STK11: variants seen among roughly 807,000 people sequenced by gnomAD.
STK11 encodes the protein serine/threonine kinase 11.
Under a neutral mutation model 47.3 loss-of-function variants are expected in STK11, and 8 were observed. The observed-to-expected ratio is 0.17, with a 90% CI of 0.10 to 0.31. The LOEUF is 0.31. STK11 is among the 10% of genes least tolerant of loss of function. The pLI, the probability that STK11 is intolerant of heterozygous loss-of-function variation, is 1.00. For synonymous variants in STK11, 330 were observed against 255.8 expected, an observed-to-expected ratio of 1.29 and a Z score of -2.77; for missense variants, 475 against 605.0, an observed-to-expected ratio of 0.79 and a Z score of 2.25.
At chr19:1,223,817 C>T (rs2080802789) in intron 8 of STK11, 2 of 1,032,140 alleles carry the variant, frequency 1.9e-6, no homozygotes, top group Non-Finnish European at 2.3e-6. Flanking sequence ...CCGCCATGCT[C>T]CCGGCTTGGC....
Position 1,219,348 on chromosome 19 carries a change from G to T in STK11, c.399G>T (p.Val133=), listed in dbSNP as rs757021648. The change falls in exon 3 of 10, where the codon GTG becomes GTT. Residue 133 remains valine (V), a synonymous_variant. Coordinates refer to ENST00000326873, the MANE Select transcript of STK11 (RefSeq NM_000455.5). ...QKMYMVMEYC[V]CGMQEMLDSV... is the part of the protein sequence containing the mutation. Reference sequence around the variant, plus strand: ...CGTATATGGTGATGGAGTACTGCGTGTGTGGCATGCAGGAAATGCTGGACA... The same window carrying T: ...CGTATATGGTGATGGAGTACTGCGTTTGTGGCATGCAGGAAATGCTGGACA... 5.7e-6 allele frequency: 9 copies of T among 1,591,522 alleles called. No homozygotes were observed. Among genetic ancestry groups the T allele is most frequent in the Non-Finnish European group, 7.7e-6 (9 of 1,169,824 alleles).
chr19:1,227,879 C>T lies in STK11; in HGVS notation c.*303C>T, dbSNP rs992108209. On this transcript the variant is annotated 3_prime_UTR_variant, in exon 10 of 10. Coordinates refer to ENST00000326873, the MANE Select transcript of STK11 (RefSeq NM_000455.5). ...GGCCTCCATGCACTTTATGTGGAGA[C>T]TACTGGCCCCGCCCGTGGCCTCGTG... 3.7e-6 allele frequency: 4 copies of T among 1,069,384 alleles called. No individual in the cohort carries two copies. Among genetic ancestry groups the T allele is most frequent in the African/African-American group, 1.6e-5 (1 of 61,032 alleles). 66.2% of individuals were successfully genotyped at this position (1,069,384 alleles called of 1,614,324 possible). A position where few individuals can be genotyped will look rare whatever the true frequency, so the allele number is the denominator to read the frequency against.
chr19:1,206,817 T>C lies in STK11; in HGVS notation c.-97T>C, dbSNP rs2080668741. The C allele has an allele frequency of 4.3e-6, 6 of 1,411,040 alleles. No homozygotes were observed. The East Asian group carries it at 1.5e-4, about 35-fold the overall frequency. 87.4% of individuals were successfully genotyped at this position (1,411,040 alleles called of 1,614,324 possible). A position where few individuals can be genotyped will look rare whatever the true frequency, so the allele number is the denominator to read the frequency against. On this transcript the variant is annotated 5_prime_UTR_variant, in exon 1 of 10. Transcript: ENST00000326873. ...GTTGCCTTTTTTTTTTCTTTTTTCTTTGTAAAATTTTGGAGAAGGGAAGTC... is the reference window on the plus strand; with the variant it reads ...GTTGCCTTTTTTTTTTCTTTTTTCTCTGTAAAATTTTGGAGAAGGGAAGTC...
In STK11 at chr19:1,223,138, T is replaced by A. The variant is rs2145431353; in HGVS notation, c.1074T>A (p.Asp358Glu). 1 of 1,611,804 alleles carries A rather than the reference T, an allele frequency of 6.2e-7. No homozygotes were observed. The highest frequency in any genetic ancestry group is 1.1e-5 in the South Asian group (1 of 90,866). Residue 358 changes from aspartate (D) to glutamate (E), a missense_variant, in exon 8 of 10, where the codon GAT becomes GAA. Asp to Glu is a conservative substitution (Grantham distance 45). Transcript: ENST00000326873. ...ACGAGGACCTCTTCGACATCGAGGA[T>A]GACATCATCTACACTCAGGACTTCA... The part of the protein sequence containing the change: ...DEDEDLFDIE[D>E]DIIYTQDFTV...
At chr19:1,226,415 G>C in intron 8 of STK11, 39 bp from the exon 9 acceptor site, 1 of 1,594,040 alleles carries the variant, frequency 6.3e-7, no homozygotes, top group Non-Finnish European at 8.5e-7. Context: ...CTGGGGTTGC[G>C]CCCCTCAGCT....
chr19:1,227,868 TTA>T lies in STK11; in HGVS notation c.*294_*295del. 2.8e-6 allele frequency: 3 copies of T among 1,068,776 alleles called. No individual in the cohort carries two copies. Among genetic ancestry groups the T allele is most frequent in the Non-Finnish European group, 3.4e-6 (3 of 881,514 alleles). The allele number at this position is 1,068,776 out of a possible 1,614,324, so 66.2% of individuals were successfully genotyped here. On this transcript the variant is annotated 3_prime_UTR_variant, in exon 10 of 10. Coordinates refer to ENST00000326873, the MANE Select transcript of STK11 (RefSeq NM_000455.5). ...AGGAGGGAGGCGGCCTCCATGCACT[TTA>T]TGTGGAGACTACTGGCCCCGCCCGT...
intron 8 of STK11, chr19:1,224,791 G>T: frequency 1.0e-6 from 1 of 985,544 alleles, no homozygotes. Flanking sequence ...GGGAAGGGCC[G>T]CCAGACCACT....
intron 5 of STK11, 88 bp downstream of exon 5, chr19:1,220,805 G>A: frequency 1.3e-6 from 2 of 1,518,194 alleles, no homozygotes; most frequent in Non-Finnish European, 1.8e-6. Context: ...GTGGGCGCAG[G>A]GCGTGGCCAC....
At position 1,227,911 on chromosome 19, in the gene STK11, A is replaced by G. The variant is rs2080838356; in HGVS notation, c.*335A>G. On this transcript the variant is annotated 3_prime_UTR_variant, in exon 10 of 10. Coordinates refer to ENST00000326873, the MANE Select transcript of STK11 (RefSeq NM_000455.5). ...CCCCGCCCGTGGCCTCGTGCTCCGCAGGGCGCCCAGCGCCGTCCGGCGGCC... is the reference window on the plus strand; with the variant it reads ...CCCCGCCCGTGGCCTCGTGCTCCGCGGGGCGCCCAGCGCCGTCCGGCGGCC... 2 of 1,069,952 alleles carry G rather than the reference A, an allele frequency of 1.9e-6. No homozygotes were observed. Among genetic ancestry groups the G allele is most frequent in the Admixed American group, 5.3e-5 (1 of 18,782 alleles). The allele number at this position is 1,069,952 out of a possible 1,614,324, so 66.3% of individuals were successfully genotyped here. A position where few individuals can be genotyped will look rare whatever the true frequency, so the allele number is the denominator to read the frequency against.
At position 1,227,587 on chromosome 19, in the gene STK11, C is replaced by CT; in HGVS notation, c.*17-5dup. On this transcript the variant is annotated splice_region_variant and splice_polypyrimidine_tract_variant and intron_variant, in intron 9 of 9. Transcript: ENST00000326873. The stretch of plus-strand genomic sequence containing the variant: ...TGACCTCTTCCGTCTTCCTTCCACC[C>CT]TGCAGCCCGTGTCCAGGAGCCCCGC... 1 of 1,064,674 alleles carries CT rather than the reference C, an allele frequency of 9.4e-7. No homozygotes were observed. The highest frequency in any genetic ancestry group is 1.6e-5 in the African/African-American group (1 of 61,080). 66.0% of individuals were successfully genotyped at this position (1,064,674 alleles called of 1,614,324 possible).
rs200659661 is a variant in STK11 at position 1,218,314 on chromosome 19, A to T, written c.291-103A>T. ...ACAGCTTCTCTCTAGGGAAGGGAGG[A>T]GGTACGCCACTTCCACAGGGAGATG... is the stretch of plus-strand genomic sequence containing the variant. On this transcript the variant is annotated intron_variant, in intron 1 of 9. Coordinates refer to ENST00000326873, the MANE Select transcript of STK11 (RefSeq NM_000455.5). The T allele has an allele frequency of 5.9e-5, 54 of 910,712 alleles. No individual in the cohort carries two copies. The East Asian group carries it at 1.3e-3, about 21-fold the overall frequency. 56.4% of individuals were successfully genotyped at this position (910,712 alleles called of 1,614,324 possible).
intron 8 of STK11, chr19:1,225,451 G>A (rs374204370): frequency 2.5e-6 from 2 of 815,626 alleles, no homozygotes; most frequent in Non-Finnish European, 3.0e-6. Flanking sequence ...TGTATGTTTA[G>A]TAGAGACGGG....
At position 1,223,178 on chromosome 19, in the gene STK11, T is replaced by C. The variant is rs777428255; in HGVS notation, c.1108+6T>C. The C allele has an allele frequency of 6.2e-7, 1 of 1,608,916 alleles. No individual in the cohort carries two copies. The highest frequency in any genetic ancestry group is 2.2e-5 in the East Asian group (1 of 44,782). ...TCAGGACTTCACGGTGCCCGGTGAGTCTGGCGGGGGCCCCTGCCCGGCTCT... is the reference window on the plus strand; with the variant it reads ...TCAGGACTTCACGGTGCCCGGTGAGCCTGGCGGGGGCCCCTGCCCGGCTCT... On this transcript the variant is annotated splice_donor_region_variant and intron_variant, in intron 8 of 9. Transcript: ENST00000326873.
chr19:1,227,698 C>T lies in STK11; in HGVS notation c.*122C>T, dbSNP rs545378464. 3 of 1,069,638 alleles carry T rather than the reference C, an allele frequency of 2.8e-6. No individual in the cohort carries two copies. The highest frequency in any genetic ancestry group is 2.3e-6 in the Non-Finnish European group (2 of 881,928). The allele number at this position is 1,069,638 out of a possible 1,614,324, so 66.3% of individuals were successfully genotyped here. ...GGCCGCCATGCTTCTGTGCCGACCA[C>T]GCCCCAGGACCTCCGGAGCGCCCTG... On this transcript the variant is annotated 3_prime_UTR_variant, in exon 10 of 10. Coordinates refer to ENST00000326873, the MANE Select transcript of STK11 (RefSeq NM_000455.5).
intron 9 of STK11, chr19:1,227,288 C>A: frequency 5.6e-6 from 1 of 178,070 alleles, no homozygotes; most frequent in Non-Finnish European, 1.2e-5. Context: ...GAGGCTGAAG[C>A]CCCTGCCTTG....
intron 5 of STK11, 141 bp downstream of exon 5, chr19:1,220,858 C>A (rs1599927208): frequency 7.5e-7 from 1 of 1,326,484 alleles, no homozygotes; most frequent in South Asian, 1.5e-5. Flanking sequence ...GGGGTGCTTA[C>A]TTTATGGAAA....
chr19:1,213,233 G>T (rs929229662), intron 1 of STK11, among the ~76,000 whole-genome samples: 3 of 150,076 alleles, frequency 2.0e-5, no homozygotes, highest in African/African-American at 7.4e-5. Flanking sequence ...TCCTGACCTC[G>T]TGATCTGCCT....
rs2080833144 is a variant in STK11, at chr19:1,227,435, AGT to A, written c.*17-156_*17-155del. On this transcript the variant is annotated intron_variant, in intron 9 of 9. Transcript: ENST00000326873. ...AAAAGGCCACACAATGTACCCCGGG[AGT>A]GACTCAAGGGTGGCCTTCCCTGGCC... 4.4e-6 allele frequency: 3 copies of A among 687,966 alleles called. No homozygotes were observed. The East Asian group carries it at 1.8e-4, about 40-fold the overall frequency. 42.6% of individuals were successfully genotyped at this position (687,966 alleles called of 1,614,324 possible). A position where few individuals can be genotyped will look rare whatever the true frequency, so the allele number is the denominator to read the frequency against.
At chr19:1,212,936 T>C (rs1426511444) in intron 1 of STK11, among the ~76,000 whole-genome samples, 1 of 148,774 alleles carries the variant, frequency 6.7e-6, no homozygotes, top group Non-Finnish European at 1.5e-5. Flanking sequence ...CTCTCTGGCC[T>C]CCCAAAGTGC....
Sources: gnomAD v4.1 joint callset for allele counts (sites outside exome capture counted in the v4.1 genomes callset) on GRCh38, gnomAD v4.1.1 for gene constraint, MANE v1.5 for transcripts, NCBI Gene and HGNC (gene_info 2026-07-23, HGNC 2026-07-21) for gene names.